CCDC146: variants seen among roughly 807,000 people sequenced by gnomAD.
CCDC146 encodes the protein coiled-coil domain-containing protein 146.
A neutral mutation model predicts 119.3 loss-of-function variants in CCDC146; 92 were observed. The observed-to-expected ratio is 0.77, with a 90% confidence interval of 0.65 to 0.92. CCDC146 has a LOEUF of 0.92. CCDC146 is among the 40% of genes least tolerant of loss of function. The pLI is 0.00. For synonymous variants in CCDC146, 372 were observed against 371.8 expected (o/e 1.00, Z -0.01); for missense variants, 1,000 against 1,103.0 (o/e 0.91, Z 1.32).
intron 2 of CCDC146, chr7:77,198,315 A>T: frequency 1.0e-6 from 1 of 985,402 alleles, no homozygotes; most frequent in Middle Eastern, 5.2e-4. Flanking sequence ...CCTCACGTTC[A>T]TGGTAAGTAG....
rs1381244973 is a variant in CCDC146, at chr7:77,272,893, T to C, written c.1174-801T>C. 5.9e-5 allele frequency among the ~76,000 whole-genome samples: 9 copies of C among 152,220 alleles called. No individual in the cohort carries two copies. The East Asian group carries it at 1.7e-3, about 29-fold the overall frequency. ...GGTATCAACCAAAAAGTTGAGGCTT[T>C]TCTTTTGTGTAAGAAATTTCCAGCT... On this transcript the variant is annotated intron_variant, in intron 9 of 18. Coordinates refer to ENST00000285871, the MANE Select transcript of CCDC146 (RefSeq NM_020879.3).
Position 77,282,784 on chromosome 7 carries a change from A to G in CCDC146, c.2147A>G (p.Gln716Arg). 4 of 1,608,606 alleles carry G rather than the reference A, an allele frequency of 2.5e-6. No homozygotes were observed. Among genetic ancestry groups the G allele is most frequent in the Non-Finnish European group, 3.4e-6 (4 of 1,175,234 alleles). Residue 716 changes from glutamine (Q) to arginine (R), a missense_variant and splice_region_variant, in exon 15 of 19, where the codon CAG (glutamine) becomes CGG (arginine). This residue lies in a region of CCDC146 where 985 missense variants were observed against 1,045.3 expected (regional missense o/e 0.94). Transcript: ENST00000285871. The part of the protein sequence containing the change: ...LDADLAVLQI[Q>R]FSQCTDRIKD... Reference sequence around the variant, plus strand: ...GCCGACCTAGCTGTGCTCCAAATTCAGGTGGGTGAGTGATCACGGGACACT... The same window carrying G: ...GCCGACCTAGCTGTGCTCCAAATTCGGGTGGGTGAGTGATCACGGGACACT...
chr7:77,247,375 C>T lies in CCDC146; in HGVS notation c.449+5475C>T, dbSNP rs552082362. Among the ~76,000 whole-genome samples the T allele has an allele frequency of 9.2e-5, 14 of 152,252 alleles. No homozygotes were observed. The South Asian group carries it at 1.0e-3, about 11-fold the overall frequency. Reference sequence around the variant, plus strand: ...GAAATACTCAGGTTGCCTTTACAACCGAAAGATAGTAGCACACTACTACCC... The same window carrying T: ...GAAATACTCAGGTTGCCTTTACAACTGAAAGATAGTAGCACACTACTACCC... On this transcript the variant is annotated intron_variant, in intron 4 of 18. Coordinates refer to ENST00000285871, the MANE Select transcript of CCDC146 (RefSeq NM_020879.3).
intron 2 of CCDC146, among the ~76,000 whole-genome samples, chr7:77,233,469 A>C (rs951936735): frequency 2.0e-5 from 3 of 152,050 alleles, no homozygotes; most frequent in African/African-American, 7.2e-5. Flanking sequence ...CACCCCCTGG[A>C]TTGGTCTGTA....
At chr7:77,125,742 A>G (rs10215732) in intron 1 of CCDC146, among the ~76,000 whole-genome samples, 7,471 of 152,130 alleles carry the variant, frequency 0.049, 608 homozygotes, top group African/African-American at 0.17. Flanking sequence ...GAGAAAAGCC[A>G]TAAGAATTTA....
At chr7:77,222,647 G>A (rs1448985128) in intron 2 of CCDC146, among the ~76,000 whole-genome samples, 1 of 152,228 alleles carries the variant, frequency 6.6e-6, no homozygotes, top group Non-Finnish European at 1.5e-5. Flanking sequence ...CAAGGTCAGG[G>A]AAGTGGCTTT....
chr7:77,276,532 T>G (rs1188024329), intron 11 of CCDC146, among the ~76,000 whole-genome samples: 1 of 152,180 alleles, frequency 6.6e-6, no homozygotes, highest in Non-Finnish European at 1.5e-5. Flanking sequence ...GGAGAAAGGA[T>G]GTCAAATAGT....
At chr7:77,220,759 T>C (rs1792389101) in intron 2 of CCDC146, among the ~76,000 whole-genome samples, 1 of 152,208 alleles carries the variant, frequency 6.6e-6, no homozygotes, top group South Asian at 2.1e-4. Context: ...CTTTGATACT[T>C]AAATTTGGCC....
intron 9 of CCDC146, among the ~76,000 whole-genome samples, chr7:77,268,599 C>G (rs1793451759): frequency 6.6e-6 from 1 of 152,154 alleles, no homozygotes; most frequent in Non-Finnish European, 1.5e-5. Context: ...TAGCTTACCC[C>G]CTTTTGGAGG....
intron 7 of CCDC146, 136 bp from the exon 8 acceptor site, chr7:77,259,873 T>C: frequency 1.6e-6 from 1 of 644,288 alleles, no homozygotes; most frequent in Non-Finnish European, 2.7e-6. Context: ...AATTTATGAC[T>C]ATCTCTTCTG....
At chr7:77,182,536 C>T (rs1326340217) in intron 2 of CCDC146, among the ~76,000 whole-genome samples, 1 of 152,050 alleles carries the variant, frequency 6.6e-6, no homozygotes, top group African/African-American at 2.4e-5. Context: ...CTTTGGAAGG[C>T]CCAGGCAGGT....
intron 2 of CCDC146, among the ~76,000 whole-genome samples, chr7:77,171,581 A>G (rs1791422489): frequency 6.6e-6 from 1 of 152,208 alleles, no homozygotes. Context: ...ATCTGTAAGT[A>G]ATAAATTTCT....
intron 2 of CCDC146, among the ~76,000 whole-genome samples, chr7:77,219,756 C>T (rs182132598): frequency 5.3e-5 from 8 of 152,144 alleles, no homozygotes; most frequent in African/African-American, 7.2e-5. Flanking sequence ...GTTGGGTCTC[C>T]GGGGGTGACA....
chr7:77,217,474 A>G (rs1792321195), intron 2 of CCDC146, among the ~76,000 whole-genome samples: 1 of 152,076 alleles, frequency 6.6e-6, no homozygotes, highest in African/African-American at 2.4e-5. Context: ...GAAAATATAT[A>G]CATATATGTG....
At position 77,233,086 on chromosome 7, in the gene CCDC146, T is replaced by C. The variant is rs903267820; in HGVS notation, c.157-3861T>C. Among the ~76,000 whole-genome samples, 3 of 85,484 alleles carry C rather than the reference T, an allele frequency of 3.5e-5. No homozygotes were observed. In the Admixed American group the frequency reaches 4.9e-4, roughly 14 times the overall value. 56.1% of individuals were successfully genotyped at this position (85,484 alleles called of 152,430 possible). ...GTTAAATCAATGCTTCTTTTGTTTC[T>C]TTTGTTTGTTTTTTTTTTTTTAGAC... On this transcript the variant is annotated intron_variant, in intron 2 of 18. Coordinates refer to ENST00000285871, the MANE Select transcript of CCDC146 (RefSeq NM_020879.3).
At chr7:77,238,719 G>A (rs1792786988) in intron 3 of CCDC146, among the ~76,000 whole-genome samples, 1 of 152,108 alleles carries the variant, frequency 6.6e-6, no homozygotes, top group Non-Finnish European at 1.5e-5. Context: ...GCCCAGCCTG[G>A]ATAGCTCTTA....
chr7:77,199,655 C>T, intron 2 of CCDC146: 3 of 1,614,192 alleles, frequency 1.9e-6, no homozygotes, highest in Non-Finnish European at 2.5e-6. Flanking sequence ...TCGCATTTCC[C>T]TCTGCTTTCT....
intron 3 of CCDC146, among the ~76,000 whole-genome samples, chr7:77,239,064 C>A (rs558409527): frequency 2.6e-5 from 4 of 152,312 alleles, no homozygotes. Context: ...AAATATTGAA[C>A]TGAAACTGAA....
chr7:77,247,199 TA>T (rs990053948), intron 4 of CCDC146, among the ~76,000 whole-genome samples: 1 of 152,020 alleles, frequency 6.6e-6, no homozygotes, highest in African/African-American at 2.4e-5. Flanking sequence ...TATTTCCTAA[TA>T]AAAAAAGAAA....
Sources: gnomAD v4.1 joint callset for allele counts (sites outside exome capture counted in the v4.1 genomes callset) on GRCh38, gnomAD v4.1.1 for gene constraint, gnomAD v4.1.1 regional missense constraint, MANE v1.5 for transcripts, NCBI Gene and HGNC (gene_info 2026-07-23, HGNC 2026-07-21) for gene names.